TMEM232: variants seen among roughly 807,000 people sequenced by gnomAD.
The protein encoded by TMEM232 is transmembrane protein 232.
In TMEM232, 80 loss-of-function variants were observed where a neutral mutation model predicts 78.8. That is an observed-to-expected ratio of 1.01 (90% CI 0.85 to 1.22). TMEM232 has a LOEUF of 1.22. Ranked by LOEUF, TMEM232 falls within the 50% of genes most tolerant of loss-of-function variation. TMEM232 has a pLI of 0.00. For synonymous variants in TMEM232, 297 were observed against 254.3 expected, an observed-to-expected ratio of 1.17 and a Z score of -1.60; for missense variants, 881 against 742.2, an observed-to-expected ratio of 1.19 and a Z score of -2.17.
intron 4 of TMEM232, among the ~76,000 whole-genome samples, chr5:110,639,892 TCAGG>T (rs1424908610): frequency 2.0e-5 from 3 of 152,126 alleles, no homozygotes; most frequent in African/African-American, 7.2e-5. Flanking sequence ...GAGGTGGAGC[TCAGG>T]CAGTAATGCT....
intron 11 of TMEM232, among the ~76,000 whole-genome samples, chr5:110,537,664 A>T (rs1772568516): frequency 6.6e-6 from 1 of 152,120 alleles, no homozygotes. Context: ...TCCCCCTCAC[A>T]CTCAAAGGAG....
rs543203003 is a variant in TMEM232, at chr5:110,459,813, T to C, written c.1704-34897A>G. 2.0e-5 allele frequency among the ~76,000 whole-genome samples: 3 copies of C among 152,288 alleles called. No individual in the cohort carries two copies. In the South Asian group the frequency reaches 6.2e-4, roughly 32 times the overall value. On this transcript the variant is annotated intron_variant, in intron 12 of 13. Transcript: ENST00000455884. ...AATCACCAATAAAAGAACAAATGAA[T>C]GTCATCCCTGATATGATACACTGAG...
intron 1 of TMEM232, among the ~76,000 whole-genome samples, chr5:110,683,525 A>C (rs1351527691): frequency 6.6e-6 from 1 of 151,940 alleles, no homozygotes; most frequent in Non-Finnish European, 1.5e-5. Flanking sequence ...ACGCTTAAAC[A>C]AAAACTGCTT....
At chr5:110,403,343 C>G (rs1011589934) in intron 2 of TMEM232, among the ~76,000 whole-genome samples, 4 of 152,052 alleles carry the variant, frequency 2.6e-5, no homozygotes, top group African/African-American at 9.7e-5. Flanking sequence ...TCACTCTCAG[C>G]TAGATAAAAC....
At chr5:110,493,784 CTT>C (rs111239203) in intron 12 of TMEM232, among the ~76,000 whole-genome samples, 1 of 146,984 alleles carries the variant, frequency 6.8e-6, no homozygotes, top group Non-Finnish European at 1.5e-5. Flanking sequence ...TGCCAAATAT[CTT>C]TTTTTTTTTA....
intron 1 of TMEM232, among the ~76,000 whole-genome samples, chr5:110,717,524 C>T (rs1286049398): frequency 6.6e-6 from 1 of 152,114 alleles, no homozygotes; most frequent in East Asian, 1.9e-4. Context: ...ACTGATGTGT[C>T]CTCTTGCCCA....
chr5:110,619,938 CAA>C (rs1783422307), intron 7 of TMEM232, among the ~76,000 whole-genome samples: 1 of 151,498 alleles, frequency 6.6e-6, no homozygotes. Flanking sequence ...AAAAATAAAA[CAA>C]GAATAAAAAA....
intron 5 of TMEM232, among the ~76,000 whole-genome samples, chr5:110,631,165 G>A (rs762619275): frequency 1.6e-4 from 25 of 152,058 alleles, no homozygotes; most frequent in Admixed American, 5.2e-4. Context: ...GTGCTACGGC[G>A]GCCCAGTACT....
chr5:110,662,441 A>G (rs994872912), intron 2 of TMEM232, among the ~76,000 whole-genome samples: 1 of 152,178 alleles, frequency 6.6e-6, no homozygotes, highest in East Asian at 1.9e-4. Flanking sequence ...CTCCAAATTG[A>G]TCTATAGATT....
intron 1 of TMEM232, among the ~76,000 whole-genome samples, chr5:110,714,816 C>G (rs1379839677): frequency 1.3e-5 from 2 of 152,058 alleles, no homozygotes; most frequent in East Asian, 3.9e-4. Context: ...AAATATGGTG[C>G]CTTTCCTTAG....
chr5:110,603,500 A>G (rs1183062164), intron 10 of TMEM232, among the ~76,000 whole-genome samples: 1 of 152,110 alleles, frequency 6.6e-6, no homozygotes, highest in Non-Finnish European at 1.5e-5. Flanking sequence ...AGAAGTGAGG[A>G]AAAACTAACC....
intron 12 of TMEM232, among the ~76,000 whole-genome samples, chr5:110,432,349 A>G (rs1757949119): frequency 6.6e-6 from 1 of 151,772 alleles, no homozygotes; most frequent in Non-Finnish European, 1.5e-5. Context: ...GAAAGAAAAT[A>G]AATGCCAGTA....
intron 1 of TMEM232, among the ~76,000 whole-genome samples, chr5:110,693,677 T>C (rs1794415273): frequency 6.6e-6 from 1 of 152,122 alleles, no homozygotes; most frequent in African/African-American, 2.4e-5. Context: ...CAGTAGCCGA[T>C]GTGATCAACT....
rs373744448 is a variant in TMEM232, at chr5:110,466,532, G to A, written c.1704-41616C>T. Among the ~76,000 whole-genome samples, 5 of 152,010 alleles carry A rather than the reference G, an allele frequency of 3.3e-5. No homozygotes were observed. In the East Asian group the frequency reaches 9.7e-4, roughly 29 times the overall value. ...CAGAGTTAAGTAACTTTATTGCACAGGGACTTTTTGGTATTTATAATCTGT... is the reference window on the plus strand; with the variant it reads ...CAGAGTTAAGTAACTTTATTGCACAAGGACTTTTTGGTATTTATAATCTGT... On this transcript the variant is annotated intron_variant, in intron 12 of 13. Transcript: ENST00000455884.
chr5:110,554,616 T>C (rs976417795), intron 11 of TMEM232, among the ~76,000 whole-genome samples: 23 of 152,146 alleles, frequency 1.5e-4, no homozygotes, highest in Admixed American at 1.3e-4. Context: ...TGAGGTTTTC[T>C]TTTCCTGTTT....
intron 1 of TMEM232, among the ~76,000 whole-genome samples, chr5:110,702,732 T>C (rs1246257984): frequency 6.6e-6 from 1 of 152,028 alleles, no homozygotes; most frequent in Non-Finnish European, 1.5e-5. Flanking sequence ...AGGGATGGAT[T>C]TGGGAAATAA....
chr5:110,696,689 C>G (rs1794823435), intron 1 of TMEM232, among the ~76,000 whole-genome samples: 1 of 152,142 alleles, frequency 6.6e-6, no homozygotes, highest in African/African-American at 2.4e-5. Context: ...TGAGTGAACT[C>G]CCATTCACAA....
intron 3 of TMEM232, among the ~76,000 whole-genome samples, chr5:110,391,588 TTAAG>T (rs1464242078): frequency 2.0e-5 from 3 of 151,938 alleles, no homozygotes; most frequent in African/African-American, 7.3e-5. Context: ...GGATCATAGG[TTAAG>T]TAATAAGAAT....
intron 11 of TMEM232, among the ~76,000 whole-genome samples, chr5:110,533,248 T>A (rs1359910353): frequency 6.6e-6 from 1 of 152,144 alleles, no homozygotes; most frequent in African/African-American, 2.4e-5. Flanking sequence ...AGCCCAAATT[T>A]CATCCTCATC....
Sources: allele counts gnomAD v4.1 joint callset (sites outside exome capture counted in the v4.1 genomes callset), GRCh38; gene constraint gnomAD v4.1.1; transcripts MANE v1.5; gene names NCBI Gene and HGNC (gene_info 2026-07-23, HGNC 2026-07-21).